Variants in SLC26A5 observed in about 807,000 individuals in gnomAD.
The protein encoded by SLC26A5 is prestin.
Under a neutral mutation model 81.0 loss-of-function variants are expected in SLC26A5, and 51 were observed. The ratio of observed to expected loss-of-function variants is 0.63; its 90% CI spans 0.50 to 0.80. The LOEUF (loss-of-function observed/expected upper bound fraction) is 0.80. SLC26A5 is among the 30% of genes least tolerant of loss of function. The pLI is 0.00. For missense variants in SLC26A5, 771 were observed against 905.8 expected, an observed-to-expected ratio of 0.85 and a Z score of 1.91; for synonymous variants, 325 against 332.8, an observed-to-expected ratio of 0.98 and a Z score of 0.25.
At chr7:103,365,559 G>T (rs1820671636) in intron 19 of SLC26A5, among the ~76,000 whole-genome samples, 1 of 152,162 alleles carries the variant, frequency 6.6e-6, no homozygotes, top group Admixed American at 6.5e-5. Flanking sequence ...AACCCAGAAG[G>T]CGAAGGTTGC....
intron 2 of SLC26A5, among the ~76,000 whole-genome samples, chr7:103,442,766 C>CTTACATGGCTTAAA (rs1826974689): frequency 1.3e-5 from 2 of 152,180 alleles, no homozygotes; most frequent in Admixed American, 1.3e-4. Context: ...AAACCATGAT[C>CTTACATGGCTTAAA]TCCATTAATT....
Position 103,374,416 on chromosome 7 carries a change from C to T in SLC26A5, c.2218G>A (p.Ala740Thr). Reference sequence around the variant, plus strand: ...GTCCTCATCTATGCCTCAGGAGTGGCAGGAGTGGCATTGGGCTCCAAGTCC... The same window carrying T: ...GTCCTCATCTATGCCTCAGGAGTGGTAGGAGTGGCATTGGGCTCCAAGTCC... Reference protein sequence around the residue: ...QEDLEPNATPATPEA With the variant: ...QEDLEPNATPTTPEA The change falls in exon 20 of 20, where the codon GCC becomes ACC. Residue 740 changes from alanine (A) to threonine (T), a missense_variant. Physicochemically the swap from Ala to Thr is moderately conservative, Grantham distance 58. Transcript: ENST00000306312. The T allele has an allele frequency of 6.2e-7, 1 of 1,612,330 alleles. No homozygotes were observed. The highest frequency in any genetic ancestry group is 8.5e-7 in the Non-Finnish European group (1 of 1,179,960).
chr7:103,442,974 T>C (rs1413051335), intron 2 of SLC26A5, 109 bp downstream of exon 2: 2 of 152,274 alleles, frequency 1.3e-5, no homozygotes, highest in Non-Finnish European at 2.9e-5. Context: ...AATAGTGGTG[T>C]GTGATTTAGA....
At chr7:103,404,812 G>A (rs554900692) in intron 8 of SLC26A5, among the ~76,000 whole-genome samples, 2 of 152,218 alleles carry the variant, frequency 1.3e-5, no homozygotes, top group Admixed American at 6.5e-5. Context: ...TCACTTTCAG[G>A]TACACCAGTC....
rs542641879 is a variant in SLC26A5, at chr7:103,363,275, T to G, written c.2042-10349A>C. ...TTTTTCTTTTAAGGTATTAGGTCTA[T>G]TCTATTGAATTTGGACAGTATCCAA... On this transcript the variant is annotated intron_variant, in intron 19 of 19. Transcript: ENST00000339444. 1.3e-4 allele frequency: 163 copies of G among 1,257,432 alleles called. 1 individual carries two copies. In the African/African-American group the frequency reaches 2.2e-3, roughly 17 times the overall value. The allele number at this position is 1,257,432 out of a possible 1,614,324, so 77.9% of individuals were successfully genotyped here. A position where few individuals can be genotyped will look rare whatever the true frequency, so the allele number is the denominator to read the frequency against.
At chr7:103,377,854 T>G (rs966313782) in intron 17 of SLC26A5, 55 bp from the exon 18 acceptor site, 4 of 1,538,764 alleles carry the variant, frequency 2.6e-6, no homozygotes, top group African/African-American at 1.4e-5. Flanking sequence ...CATTTCTGGT[T>G]GTGAGAAAGA....
At chr7:103,362,234 G>A in intron 19 of SLC26A5, 1 of 1,444,710 alleles carries the variant, frequency 6.9e-7, no homozygotes, top group South Asian at 1.5e-5. Context: ...TGAAAATTCT[G>A]TCTTCTGCAT....
At chr7:103,431,000 G>A (rs1826041611) in intron 2 of SLC26A5, among the ~76,000 whole-genome samples, 1 of 152,150 alleles carries the variant, frequency 6.6e-6, no homozygotes, top group South Asian at 2.1e-4. Context: ...TTAATAAATA[G>A]CAAGATTTAT....
intron 11 of SLC26A5, 74 bp downstream of exon 11, chr7:103,391,548 C>T (rs1308991983): frequency 3.1e-6 from 4 of 1,272,766 alleles, no homozygotes; most frequent in Non-Finnish European, 4.5e-6. Flanking sequence ...TGTTTGGGTT[C>T]AGAATATAAT....
intron 2 of SLC26A5, among the ~76,000 whole-genome samples, chr7:103,426,684 G>A (rs968109759): frequency 6.6e-5 from 10 of 152,116 alleles, no homozygotes; most frequent in Admixed American, 1.3e-4. Flanking sequence ...GTAATGAAAG[G>A]CTGTCCTTTC....
intron 6 of SLC26A5, among the ~76,000 whole-genome samples, chr7:103,410,917 C>T (rs1022210122): frequency 1.3e-5 from 2 of 152,126 alleles, no homozygotes; most frequent in Admixed American, 1.3e-4. Context: ...GTGTGAGCCA[C>T]CGCGCCCAGC....
intron 2 of SLC26A5, among the ~76,000 whole-genome samples, chr7:103,426,049 G>A (rs187753258): frequency 3.2e-4 from 48 of 152,304 alleles, no homozygotes; most frequent in East Asian, 1.5e-3. Flanking sequence ...AATAAATTCT[G>A]TGCAATGCAT....
chr7:103,385,506 T>C (rs1192352377), intron 14 of SLC26A5, among the ~76,000 whole-genome samples: 1 of 151,880 alleles, frequency 6.6e-6, no homozygotes, highest in Non-Finnish European at 1.5e-5. Flanking sequence ...TCTACCCCTC[T>C]CCAGAAGTGT....
chr7:103,395,022 T>C (rs1206162944), intron 9 of SLC26A5, among the ~76,000 whole-genome samples: 1 of 152,138 alleles, frequency 6.6e-6, no homozygotes, highest in Admixed American at 6.5e-5. Flanking sequence ...GACACGTGAG[T>C]GAAGCCCTCT....
At chr7:103,408,243 T>C (rs1320513616) in intron 7 of SLC26A5, among the ~76,000 whole-genome samples, 1 of 152,144 alleles carries the variant, frequency 6.6e-6, no homozygotes, top group Non-Finnish European at 1.5e-5. Context: ...TTATTTATTT[T>C]TGAGACACAG....
chr7:103,358,612 G>T (rs1820178494), intron 19 of SLC26A5, among the ~76,000 whole-genome samples: 1 of 151,280 alleles, frequency 6.6e-6, no homozygotes, highest in Admixed American at 6.6e-5. Context: ...AATTTCTCAG[G>T]TAAAAAAACT....
At chr7:103,390,821 T>G (rs950294914) in intron 11 of SLC26A5, among the ~76,000 whole-genome samples, 3 of 151,674 alleles carry the variant, frequency 2.0e-5, no homozygotes, top group Non-Finnish European at 4.4e-5. Context: ...CAGATAAGTG[T>G]CTGCTGTCCA....
chr7:103,384,420 G>A (rs1393790246), intron 14 of SLC26A5, among the ~76,000 whole-genome samples: 2 of 152,060 alleles, frequency 1.3e-5, no homozygotes, highest in African/African-American at 4.8e-5. Flanking sequence ...AGACCAGCCT[G>A]GCCAAGATGG....
intron 18 of SLC26A5, 48 bp from the exon 19 acceptor site, chr7:103,376,910 G>A (rs751788913): frequency 7.9e-7 from 1 of 1,261,786 alleles, no homozygotes; most frequent in East Asian, 2.3e-5. Context: ...CTCTGTGCCA[G>A]ATGAAAGTCT....
Sources: allele counts gnomAD v4.1 joint callset (sites outside exome capture counted in the v4.1 genomes callset), GRCh38; gene constraint gnomAD v4.1.1; transcripts MANE v1.5; gene names NCBI Gene and HGNC (gene_info 2026-07-23, HGNC 2026-07-21).